CEACAM3: variants seen among roughly 807,000 people sequenced by gnomAD.
The protein encoded by CEACAM3 is cell adhesion molecule CEACAM3.
In CEACAM3, 32 loss-of-function variants were observed where a neutral mutation model predicts 30.1. That is an observed-to-expected ratio of 1.06 (90% CI 0.80 to 1.43). CEACAM3 has a LOEUF of 1.43. CEACAM3 is among the 40% of genes most tolerant of loss of function. The probability of loss-of-function intolerance (pLI) is 0.00; values close to 1 mark genes in which losing one functional copy is unlikely to be tolerated. For synonymous variants in CEACAM3, 134 were observed against 127.2 expected, an observed-to-expected ratio of 1.05 and a Z score of -0.36; for missense variants, 290 against 316.3, an observed-to-expected ratio of 0.92 and a Z score of 0.63.
chr19:41,803,842 G>T (rs1484115622), intron 2 of CEACAM3, among the ~76,000 whole-genome samples: 1 of 152,126 alleles, frequency 6.6e-6, no homozygotes, highest in East Asian at 1.9e-4. Flanking sequence ...CACTTTGGGA[G>T]GCTGAGGCGG....
At chr19:41,798,167 C>G (rs535914000) in intron 2 of CEACAM3, 2 of 779,384 alleles carry the variant, frequency 2.6e-6, no homozygotes, top group South Asian at 3.9e-5. Flanking sequence ...AGAGGAAGGA[C>G]AGTCTGATGG....
intron 2 of CEACAM3, among the ~76,000 whole-genome samples, chr19:41,798,819 AAAC>A (rs1555825642): frequency 1.3e-5 from 2 of 152,236 alleles, no homozygotes; most frequent in Non-Finnish European, 2.9e-5. Context: ...ATTAATTCAC[AAAC>A]AACGTCACAG....
At chr19:41,801,165 C>A (rs376535058) in intron 2 of CEACAM3, among the ~76,000 whole-genome samples, 1 of 152,172 alleles carries the variant, frequency 6.6e-6, no homozygotes, top group African/African-American at 2.4e-5. Flanking sequence ...CTTCCTCCAC[C>A]CTTAGGTCTT....
chr19:41,807,287 A>T (rs2073210901), intron 2 of CEACAM3: 1 of 1,608,360 alleles, frequency 6.2e-7, no homozygotes, highest in African/African-American at 1.3e-5. Context: ...GAGGACCCTC[A>T]CTCTACTCAG....
chr19:41,808,543 G>A (rs1204342939), intron 2 of CEACAM3, among the ~76,000 whole-genome samples: 2 of 152,252 alleles, frequency 1.3e-5, no homozygotes, highest in African/African-American at 4.8e-5. Flanking sequence ...GATGCGAGAG[G>A]AAGGAGGGAC....
At position 41,808,744 on chromosome 19, in the gene CEACAM3, G is replaced by A; in HGVS notation, c.425-69G>A. Reference sequence around the variant, plus strand: ...TCTTCCCTGACTGCACACCTTCCCTGCAAGGCCCCTGTGGTTTCCTCTGGG... The same window carrying A: ...TCTTCCCTGACTGCACACCTTCCCTACAAGGCCCCTGTGGTTTCCTCTGGG... On this transcript the variant is annotated intron_variant, in intron 2 of 6. Coordinates refer to ENST00000357396, the MANE Select transcript of CEACAM3 (RefSeq NM_001815.5). 4 of 1,281,346 alleles carry A rather than the reference G, an allele frequency of 3.1e-6. No homozygotes were observed. The Admixed American group carries it at 7.2e-5, about 23-fold the overall frequency. 79.4% of individuals were successfully genotyped at this position (1,281,346 alleles called of 1,614,324 possible). A position where few individuals can be genotyped will look rare whatever the true frequency, so the allele number is the denominator to read the frequency against.
intron 1 of CEACAM3, chr19:41,797,246 A>G (rs1315735978): frequency 3.4e-6 from 1 of 291,456 alleles, no homozygotes; most frequent in African/African-American, 2.2e-5. Flanking sequence ...TGTTGACAAG[A>G]GCCCTGGAGG....
At position 41,810,158 on chromosome 19, in the gene CEACAM3, A is replaced by G. The variant is rs1171427876; in HGVS notation, c.595+141A>G. 4 of 1,262,924 alleles carry G rather than the reference A, an allele frequency of 3.2e-6. No individual in the cohort carries two copies. The African/African-American group carries it at 6.0e-5, about 19-fold the overall frequency. The allele number at this position is 1,262,924 out of a possible 1,614,324, so 78.2% of individuals were successfully genotyped here. A position where few individuals can be genotyped will look rare whatever the true frequency, so the allele number is the denominator to read the frequency against. On this transcript the variant is annotated intron_variant, in intron 4 of 6. Transcript: ENST00000357396. ...GATCTCATAAAACATCACACAGGGG[A>G]CCCCAATTGCTTGGGTCAGCCCTCA...
At chr19:41,803,447 TGTGTGTG>T (rs1341318306) in intron 2 of CEACAM3, among the ~76,000 whole-genome samples, 4 of 138,654 alleles carry the variant, frequency 2.9e-5, no homozygotes, top group South Asian at 2.5e-4. Context: ...TGTGTGTGTG[TGTGTGTG>T]TGTGTTGTTT....
rs2073115731 is a variant in CEACAM3, at chr19:41,797,853, A to G, written c.329A>G (p.Gln110Arg). The change falls in exon 2 of 7, where the codon CAG becomes CGG. Residue 110 changes from glutamine to arginine, a missense_variant. Coordinates refer to ENST00000357396, the MANE Select transcript of CEACAM3 (RefSeq NM_001815.5). The stretch of plus-strand genomic sequence containing the variant: ...TACACCAATGCATCCCTGCTGATCC[A>G]GAATGTCACCCAGAATGACATAGGA... ...TIYTNASLLI[Q>R]NVTQNDIGFY... 1 of 1,613,644 alleles carries G rather than the reference A, an allele frequency of 6.2e-7. No homozygotes were observed.
chr19:41,796,807 G>A, intron 1 of CEACAM3, 66 bp downstream of exon 1: 1 of 1,531,416 alleles, frequency 6.5e-7, no homozygotes, highest in Non-Finnish European at 8.8e-7. Context: ...GGTCTCCTGG[G>A]GAGGATGGGG....
At position 41,797,913 on chromosome 19, in the gene CEACAM3, T is replaced by G. The variant is rs782595528; in HGVS notation, c.389T>G (p.Val130Gly). 45 of 1,611,640 alleles carry G rather than the reference T, an allele frequency of 2.8e-5. No homozygotes were observed. In the South Asian group the frequency reaches 4.8e-4, roughly 17 times the overall value. ...YTLQVIKSDL[V>G]NEEATGQFHV... ...CTACAAGTCATAAAGTCAGATCTTG[T>G]GAATGAAGAAGCAACTGGACAGTTC... Residue 130 changes from valine (V) to glycine (G), a missense_variant, in exon 2 of 7, where the codon GTG becomes GGG. Transcript: ENST00000357396.
In CEACAM3 at chr19:41,811,279, C is replaced by T; in HGVS notation, c.*42C>T. Reference sequence around the variant, plus strand: ...CTCCTGTGTGTTGATGGAGAGTCCCCAAGGCCCCCAGCCCTGGGGATGGGG... The same window carrying T: ...CTCCTGTGTGTTGATGGAGAGTCCCTAAGGCCCCCAGCCCTGGGGATGGGG... On this transcript the variant is annotated 3_prime_UTR_variant, in exon 7 of 7. Coordinates refer to ENST00000357396, the MANE Select transcript of CEACAM3 (RefSeq NM_001815.5). 1 of 1,552,594 alleles carries T rather than the reference C, an allele frequency of 6.4e-7. No homozygotes were observed. The highest frequency in any genetic ancestry group is 8.9e-7 in the Non-Finnish European group (1 of 1,125,940).
In CEACAM3 at chr19:41,797,941, T is replaced by C. The variant is rs781950666; in HGVS notation, c.417T>C (p.His139=). The C allele has an allele frequency of 1.3e-6, 2 of 1,597,946 alleles. No individual in the cohort carries two copies. The highest frequency in any genetic ancestry group is 2.2e-5 in the East Asian group (1 of 44,798). The part of the protein sequence containing the change: ...LVNEEATGQF[H]VYQENAPGLP... ...ATGAAGAAGCAACTGGACAGTTCCATGTATACCGTGAGTATTTCCACATGA... is the reference window on the plus strand; with the variant it reads ...ATGAAGAAGCAACTGGACAGTTCCACGTATACCGTGAGTATTTCCACATGA... Residue 139 remains histidine, a synonymous_variant, in exon 2 of 7, where the codon CAT becomes CAC. Coordinates refer to ENST00000357396, the MANE Select transcript of CEACAM3 (RefSeq NM_001815.5).
intron 2 of CEACAM3, chr19:41,807,444 G>A (rs2073212526): frequency 1.6e-6 from 2 of 1,252,932 alleles, no homozygotes; most frequent in Admixed American, 2.4e-5. Context: ...CACAGCCAGA[G>A]GCCAGGCCTC....
At chr19:41,806,655 C>T (rs1037125987) in intron 2 of CEACAM3, among the ~76,000 whole-genome samples, 2 of 152,118 alleles carry the variant, frequency 1.3e-5, no homozygotes, top group Non-Finnish European at 2.9e-5. Context: ...CATCTGTCTT[C>T]GTCTTTTTTT....
Position 41,811,338 on chromosome 19 carries a change from T to A in CEACAM3, c.*101T>A. On this transcript the variant is annotated 3_prime_UTR_variant, in exon 7 of 7. Transcript: ENST00000357396. ...GAAGCCTGAGCCAGAGAACCAGCTATAAGTCCTGAGAAGACACTGGTGTCT... is the reference window on the plus strand; with the variant it reads ...GAAGCCTGAGCCAGAGAACCAGCTAAAAGTCCTGAGAAGACACTGGTGTCT... The A allele has an allele frequency of 9.7e-7, 1 of 1,034,208 alleles. No homozygotes were observed. The highest frequency in any genetic ancestry group is 1.5e-6 in the Non-Finnish European group (1 of 668,028). The allele number at this position is 1,034,208 out of a possible 1,614,324, so 64.1% of individuals were successfully genotyped here. A position where few individuals can be genotyped will look rare whatever the true frequency, so the allele number is the denominator to read the frequency against.
chr19:41,807,552 T>G, intron 2 of CEACAM3: 1 of 1,305,426 alleles, frequency 7.7e-7, no homozygotes, highest in Non-Finnish European at 9.9e-7. Context: ...TGACCAAGAA[T>G]AGGAGGGGAG....
chr19:41,805,780 T>C (rs542681433), intron 2 of CEACAM3, among the ~76,000 whole-genome samples: 1 of 152,242 alleles, frequency 6.6e-6, no homozygotes, highest in East Asian at 1.9e-4. Context: ...GAGGACCAGA[T>C]TGCCAGCAGC....
Sources: allele counts gnomAD v4.1 joint callset (sites outside exome capture counted in the v4.1 genomes callset), GRCh38; gene constraint gnomAD v4.1.1; transcripts MANE v1.5; gene names NCBI Gene and HGNC (gene_info 2026-07-23, HGNC 2026-07-21).